GHR: variants seen among roughly 807,000 people sequenced by gnomAD.
The protein encoded by GHR is growth hormone receptor, also known as GH receptor.
Under a neutral mutation model 67.1 loss-of-function variants are expected in GHR, and 35 were observed. That is an observed-to-expected ratio of 0.52 (90% CI 0.40 to 0.69). GHR has a LOEUF of 0.69. Among genes scored for constraint, GHR ranks in the 30% least tolerant of loss-of-function variants. The probability of loss-of-function intolerance (pLI) is 0.00; values close to 1 mark genes in which losing one functional copy is unlikely to be tolerated. For missense variants in GHR, 792 were observed against 764.6 expected, an observed-to-expected ratio of 1.04 and a Z score of -0.42; for synonymous variants, 272 against 269.1, an observed-to-expected ratio of 1.01 and a Z score of -0.10.
chr5:42,644,952 A>G (rs1006257413), intron 3 of GHR, among the ~76,000 whole-genome samples: 1 of 152,142 alleles, frequency 6.6e-6, no homozygotes, highest in Non-Finnish European at 1.5e-5. Context: ...TATGAAGTAT[A>G]TGTCTATCTC....
intron 1 of GHR, among the ~76,000 whole-genome samples, chr5:42,505,526 A>G (rs1260951130): frequency 2.6e-5 from 4 of 152,170 alleles, no homozygotes; most frequent in Non-Finnish European, 2.9e-5. Context: ...GACTTCAATC[A>G]GTAAAGCAAT....
chr5:42,519,770 A>G (rs1215745295), intron 1 of GHR, among the ~76,000 whole-genome samples: 2 of 152,214 alleles, frequency 1.3e-5, no homozygotes, highest in African/African-American at 4.8e-5. Flanking sequence ...TACTAGACTC[A>G]AAATTCCTTT....
intron 1 of GHR, chr5:42,467,728 T>C: frequency 1.3e-6 from 2 of 1,565,258 alleles, no homozygotes; most frequent in Non-Finnish European, 1.8e-6. Context: ...AAAAGGTTTC[T>C]CCCCGGTGTG....
At chr5:42,546,415 C>G (rs1471455503) in intron 1 of GHR, among the ~76,000 whole-genome samples, 1 of 152,122 alleles carries the variant, frequency 6.6e-6, no homozygotes, top group Non-Finnish European at 1.5e-5. Context: ...TCCAAGCCAG[C>G]AGGGTGAGGA....
At chr5:42,467,571 GT>G in intron 1 of GHR, 7 of 1,569,612 alleles carry the variant, frequency 4.5e-6, no homozygotes, top group Non-Finnish European at 4.4e-6. Flanking sequence ...CTAAGGAGAG[GT>G]TTTTTTGATA....
At chr5:42,513,028 T>G (rs1223685411) in intron 1 of GHR, among the ~76,000 whole-genome samples, 1 of 152,190 alleles carries the variant, frequency 6.6e-6, no homozygotes, top group Non-Finnish European at 1.5e-5. Context: ...AGAGAGATTC[T>G]TAGAAGTTTA....
intron 2 of GHR, among the ~76,000 whole-genome samples, chr5:42,571,626 A>G (rs1750321286): frequency 6.6e-6 from 1 of 152,188 alleles, no homozygotes; most frequent in African/African-American, 2.4e-5. Context: ...GATTTGTGCC[A>G]CAGCTAATTA....
chr5:42,488,743 T>C lies in GHR; in HGVS notation c.-12+64788T>C, dbSNP rs955380214. Among the ~76,000 whole-genome samples the C allele has an allele frequency of 6.6e-5, 10 of 152,342 alleles. No homozygotes were observed. In the East Asian group the frequency reaches 1.7e-3, roughly 26 times the overall value. ...AAATTGCTCAGTTAGGGACTCCACATTGAGCCAAGCACATACATACTTGAC... is the reference window on the plus strand; with the variant it reads ...AAATTGCTCAGTTAGGGACTCCACACTGAGCCAAGCACATACATACTTGAC... On this transcript the variant is annotated intron_variant, in intron 1 of 9. Coordinates refer to ENST00000230882, the MANE Select transcript of GHR (RefSeq NM_000163.5).
chr5:42,716,400 G>C (rs969948021), intron 8 of GHR, among the ~76,000 whole-genome samples: 1 of 152,138 alleles, frequency 6.6e-6, no homozygotes, highest in Non-Finnish European at 1.5e-5. Context: ...ATTTCATAGA[G>C]TTAGAGTACA....
At chr5:42,610,668 A>G (rs1178429852) in intron 2 of GHR, among the ~76,000 whole-genome samples, 1 of 147,916 alleles carries the variant, frequency 6.8e-6, no homozygotes, top group African/African-American at 2.6e-5. Context: ...TCCCAGTGGA[A>G]AAAAAAAAAG....
chr5:42,567,099 C>G (rs1170199141), intron 2 of GHR, among the ~76,000 whole-genome samples: 1 of 152,164 alleles, frequency 6.6e-6, no homozygotes, highest in Non-Finnish European at 1.5e-5. Context: ...AGCAGCTTTT[C>G]CCATGGCTGG....
At chr5:42,667,082 C>T (rs1756021755) in intron 3 of GHR, among the ~76,000 whole-genome samples, 1 of 152,114 alleles carries the variant, frequency 6.6e-6, no homozygotes, top group African/African-American at 2.4e-5. Context: ...CCATGACTAC[C>T]ACAATTAAGG....
intron 1 of GHR, among the ~76,000 whole-genome samples, chr5:42,459,930 G>A (rs1744418155): frequency 6.6e-6 from 1 of 152,128 alleles, no homozygotes; most frequent in African/African-American, 2.4e-5. Context: ...CACGTGTCAT[G>A]GACTCAATGT....
intron 8 of GHR, among the ~76,000 whole-genome samples, chr5:42,716,156 C>T (rs534558093): frequency 7.5e-6 from 1 of 132,600 alleles, no homozygotes; most frequent in Non-Finnish European, 1.6e-5. Flanking sequence ...ATACCAATTT[C>T]GAGATGCAGA....
In GHR at chr5:42,643,951, G is replaced by T. The variant is rs74857997; in HGVS notation, c.136+14848G>T. ...AAGCAACTACCTTGAATTTTTGCAT[G>T]AATTGCATTTGAGAATAACTGAATA... On this transcript the variant is annotated intron_variant, in intron 3 of 9. Transcript: ENST00000230882. Among the ~76,000 whole-genome samples, 1,275 of 152,134 alleles carry T rather than the reference G, an allele frequency of 8.4e-3. 96 individuals carry two copies. In the East Asian group the frequency reaches 0.18, roughly 22 times the overall value.
chr5:42,621,500 G>A (rs777179673), intron 2 of GHR, among the ~76,000 whole-genome samples: 2 of 152,112 alleles, frequency 1.3e-5, no homozygotes, highest in Non-Finnish European at 2.9e-5. Flanking sequence ...AAATAAATAT[G>A]TGAAGCTTGA....
At chr5:42,632,539 G>A (rs777620308) in intron 3 of GHR, among the ~76,000 whole-genome samples, 1 of 152,246 alleles carries the variant, frequency 6.6e-6, no homozygotes, top group Non-Finnish European at 1.5e-5. Flanking sequence ...AGCCCTTAGG[G>A]CTTTGCTGTG....
In GHR at chr5:42,608,635, G is replaced by C. The variant is rs147002522; in HGVS notation, c.71-20403G>C. Among the ~76,000 whole-genome samples the C allele has an allele frequency of 4.3e-3, 661 of 152,088 alleles. 4 individuals carry two copies. Among genetic ancestry groups the C allele is most frequent in the African/African-American group, 0.015 (639 of 41,510 alleles). Reference sequence around the variant, plus strand: ...TTGAAAGACACTAATTAATAATATAGTATTTCAAATATAAAATCCTCAGTC... The same window carrying C: ...TTGAAAGACACTAATTAATAATATACTATTTCAAATATAAAATCCTCAGTC... On this transcript the variant is annotated intron_variant, in intron 2 of 9. Transcript: ENST00000230882.
intron 1 of GHR, among the ~76,000 whole-genome samples, chr5:42,460,567 G>A (rs896816428): frequency 6.6e-6 from 1 of 152,118 alleles, no homozygotes; most frequent in South Asian, 2.1e-4. Flanking sequence ...TGACTTTGAC[G>A]GTGCTTGTTC....
Sources: gnomAD v4.1 joint callset for allele counts (sites outside exome capture counted in the v4.1 genomes callset) on GRCh38, gnomAD v4.1.1 for gene constraint, MANE v1.5 for transcripts, NCBI Gene and HGNC (gene_info 2026-07-23, HGNC 2026-07-21) for gene names.